FARP1: variants seen among roughly 807,000 people sequenced by gnomAD.
FARP1 encodes FERM, ARHGEF and pleckstrin domain-containing protein 1.
In FARP1, 52 loss-of-function variants were observed where a neutral mutation model predicts 128.8. That is an observed-to-expected ratio of 0.40 (90% CI 0.32 to 0.51). The LOEUF is 0.51. Ranked by LOEUF, FARP1 falls within the 20% of genes least tolerant of loss-of-function variation. FARP1 has a pLI of 0.45. For synonymous variants in FARP1, 580 were observed against 551.8 expected (o/e 1.05, Z -0.72); for missense variants, 1,333 against 1,367.9 (o/e 0.97, Z 0.40).
chr13:98,413,747 A>G (rs971862463), intron 16 of FARP1, among the ~76,000 whole-genome samples: 3 of 152,218 alleles, frequency 2.0e-5, no homozygotes, highest in South Asian at 2.1e-4. Flanking sequence ...CCTGTGTCTC[A>G]TCATTCATAC....
chr13:98,177,136 C>G (rs1566703356), intron 1 of FARP1: 3 of 1,605,792 alleles, frequency 1.9e-6, no homozygotes, highest in Non-Finnish European at 2.5e-6. Flanking sequence ...CGGGCGCTTT[C>G]TGAGGCCTGC....
At chr13:98,346,229 G>A (rs9584815) in intron 3 of FARP1, among the ~76,000 whole-genome samples, 15,125 of 131,606 alleles carry the variant, frequency 0.11, 1,045 homozygotes, top group African/African-American at 0.21. Context: ...TTTCTCTGTC[G>A]CCCAGGCAGG....
At chr13:98,303,178 A>G (rs1413642309) in intron 2 of FARP1, among the ~76,000 whole-genome samples, 11 of 152,236 alleles carry the variant, frequency 7.2e-5, no homozygotes, top group Non-Finnish European at 1.5e-4. Context: ...AAATGTCCAG[A>G]AAAGTCAAAT....
chr13:98,447,517 T>C (rs1892924311), intron 26 of FARP1: 1 of 152,344 alleles, frequency 6.6e-6, no homozygotes. Context: ...GGCCAGGTAA[T>C]TTGGGGAGTC....
chr13:98,388,668 C>T (rs192112381), intron 9 of FARP1, among the ~76,000 whole-genome samples, 190 bp downstream of exon 9: 38 of 152,318 alleles, frequency 2.5e-4, no homozygotes, highest in Non-Finnish European at 4.4e-4. Flanking sequence ...CTACGGCTGT[C>T]ATCGTTGGTA....
At chr13:98,395,684 C>T (rs1204311977) in intron 13 of FARP1, 2 of 581,016 alleles carry the variant, frequency 3.4e-6, no homozygotes, top group Admixed American at 3.5e-5. Context: ...CGAAGAGAGG[C>T]TGGGCGTAGG....
chr13:98,379,106 T>A (rs1319789546), intron 6 of FARP1, among the ~76,000 whole-genome samples: 1 of 96,306 alleles, frequency 1.0e-5, no homozygotes, highest in Non-Finnish European at 1.9e-5. Flanking sequence ...ATATATATAA[T>A]ATATAATCTA....
chr13:98,294,730 C>T (rs1430576094), intron 2 of FARP1, among the ~76,000 whole-genome samples: 1 of 151,944 alleles, frequency 6.6e-6, no homozygotes, highest in African/African-American at 2.4e-5. Flanking sequence ...TATGTATGTC[C>T]CCAAGGCCAG....
chr13:98,378,438 C>T (rs752198475), intron 6 of FARP1, among the ~76,000 whole-genome samples: 3 of 152,210 alleles, frequency 2.0e-5, no homozygotes, highest in Non-Finnish European at 2.9e-5. Context: ...TTATGCTCAT[C>T]TCCAGGCTTG....
intron 2 of FARP1, among the ~76,000 whole-genome samples, chr13:98,318,068 CTTTTT>C (rs35762706): frequency 1.1e-3 from 110 of 104,206 alleles, no homozygotes; most frequent in African/African-American, 3.3e-3. Flanking sequence ...TCTCCTCCTC[CTTTTT>C]TTTTTTTTTT....
chr13:98,382,148 A>C (rs1392798950), intron 6 of FARP1: 5 of 151,956 alleles, frequency 3.3e-5, no homozygotes, highest in African/African-American at 1.2e-4. Context: ...GGTCACTTGA[A>C]CCCTGAAGTC....
In FARP1 at chr13:98,347,729, A is replaced by G. The variant is rs559251157; in HGVS notation, c.276+3863A>G. ...TGTGCCATCACTATTATTTTTTAAT[A>G]TCACCATCGTGACTGTCACCTCTGC... On this transcript the variant is annotated intron_variant, in intron 3 of 26. Transcript: ENST00000319562. Among the ~76,000 whole-genome samples the G allele has an allele frequency of 3.3e-5, 5 of 152,304 alleles. No individual in the cohort carries two copies. In the East Asian group the frequency reaches 9.6e-4, roughly 29 times the overall value.
intron 2 of FARP1, among the ~76,000 whole-genome samples, chr13:98,308,793 C>T (rs571731416): frequency 3.6e-4 from 54 of 152,074 alleles, no homozygotes; most frequent in Non-Finnish European, 5.7e-4. Flanking sequence ...TGCAGCCTCC[C>T]GAGTAGCTGG....
At chr13:98,425,368 T>TTG (rs1555294930) in intron 17 of FARP1, 2 of 55,796 alleles carry the variant, frequency 3.6e-5, no homozygotes, top group African/African-American at 7.5e-5. Context: ...GCAAATATAG[T>TTG]TTTTTTTTTT....
At chr13:98,396,943 G>C (rs57643584) in intron 13 of FARP1, 3,046 of 153,362 alleles carry the variant, frequency 0.02, 111 homozygotes, top group African/African-American at 0.069. Context: ...TTCTTTAAAA[G>C]GAGGGCTGCT....
intron 1 of FARP1, among the ~76,000 whole-genome samples, chr13:98,199,309 C>G (rs549712344): frequency 3.3e-5 from 5 of 152,220 alleles, no homozygotes; most frequent in African/African-American, 1.2e-4. Flanking sequence ...TACCTATTGT[C>G]AGAAGTAAAC....
intron 6 of FARP1, among the ~76,000 whole-genome samples, 167 bp downstream of exon 6, chr13:98,378,085 G>A (rs1255240307): frequency 6.6e-6 from 1 of 152,180 alleles, no homozygotes; most frequent in East Asian, 1.9e-4. Flanking sequence ...TACTCCTGAT[G>A]TCATTTAATA....
chr13:98,192,395 C>CA (rs940942628), intron 1 of FARP1, among the ~76,000 whole-genome samples: 3 of 149,972 alleles, frequency 2.0e-5, no homozygotes, highest in Admixed American at 6.7e-5. Flanking sequence ...TTGACTGTTA[C>CA]TTTTTTTTTT....
chr13:98,201,097 C>G (rs1240228896), intron 1 of FARP1, among the ~76,000 whole-genome samples: 2 of 152,060 alleles, frequency 1.3e-5, no homozygotes, highest in Admixed American at 1.3e-4. Flanking sequence ...TATAATTTCC[C>G]TGCTGTATTT....
Sources: allele counts gnomAD v4.1 joint callset (sites outside exome capture counted in the v4.1 genomes callset), GRCh38; gene constraint gnomAD v4.1.1; transcripts MANE v1.5; gene names NCBI Gene and HGNC (gene_info 2026-07-23, HGNC 2026-07-21).